The following SNTG2 variants were observed in gnomAD, a reference collection of about 807,000 sequenced individuals.
SNTG2 encodes the protein syntrophin gamma 2, also known as gamma-2-syntrophin.
Under a neutral mutation model 70.9 loss-of-function variants are expected in SNTG2, and 74 were observed. The ratio of observed to expected loss-of-function variants is 1.04; its 90% CI spans 0.86 to 1.27. SNTG2 has a LOEUF of 1.27. SNTG2 is among the 50% of genes most tolerant of loss of function. SNTG2 has a pLI of 0.00. For missense variants in SNTG2, 717 were observed against 690.7 expected (o/e 1.04, Z -0.43); for synonymous variants, 278 against 273.8 (o/e 1.02, Z -0.15).
intron 1 of SNTG2, among the ~76,000 whole-genome samples, chr2:1,056,861 GAGAGCA>G (rs1662467851): frequency 1.1e-5 from 1 of 93,136 alleles, no homozygotes; most frequent in Non-Finnish European, 2.1e-5. Flanking sequence ...GGGAGAGAGG[GAGAGCA>G]CGGCGCCCCG....
At chr2:1,138,489 C>T (rs1256920686) in intron 6 of SNTG2, among the ~76,000 whole-genome samples, 1 of 151,940 alleles carries the variant, frequency 6.6e-6, no homozygotes, top group Non-Finnish European at 1.5e-5. Flanking sequence ...GGTGGGGACG[C>T]GTGGTCAGTC....
chr2:956,119 CT>C (rs1660137674), intron 1 of SNTG2, among the ~76,000 whole-genome samples: 1 of 131,006 alleles, frequency 7.6e-6, no homozygotes, highest in Admixed American at 7.4e-5. Flanking sequence ...TGCCCTGCCC[CT>C]GCCCATGCCC....
chr2:1,095,677 T>C (rs1336309298), intron 2 of SNTG2, among the ~76,000 whole-genome samples: 1 of 152,200 alleles, frequency 6.6e-6, no homozygotes, highest in African/African-American at 2.4e-5. Flanking sequence ...AATGTCATTC[T>C]TTGGCAGTCT....
rs140149652 is a variant in SNTG2 at position 1,063,135 on chromosome 2, A to G, written c.73-20383A>G. Among the ~76,000 whole-genome samples, 329 of 152,346 alleles carry G rather than the reference A, an allele frequency of 2.2e-3. 4 individuals carry two copies. The highest frequency in any genetic ancestry group is 7.6e-3 in the African/African-American group (316 of 41,586). ...ACACATAGATAAACTCTCAGATCAT[A>G]GTTCTTTAAAATCTATGCAAGAGCT... On this transcript the variant is annotated intron_variant, in intron 1 of 16. Coordinates refer to ENST00000308624, the MANE Select transcript of SNTG2 (RefSeq NM_018968.4).
At position 1,313,757 on chromosome 2, in the gene SNTG2, G is replaced by A. The variant is rs150426169; in HGVS notation, c.1378-2508G>A. Among the ~76,000 whole-genome samples, 635 of 152,258 alleles carry A rather than the reference G, an allele frequency of 4.2e-3. 6 individuals are homozygous for A. Among genetic ancestry groups the A allele is most frequent in the African/African-American group, 0.015 (609 of 41,534 alleles). ...AGAGAGTCACGCCTGCGCCCATGGA[G>A]CCCCAACTTGTACCTGGACCACGCT... On this transcript the variant is annotated intron_variant, in intron 15 of 16. Coordinates refer to ENST00000308624, the MANE Select transcript of SNTG2 (RefSeq NM_018968.4).
intron 6 of SNTG2, among the ~76,000 whole-genome samples, chr2:1,152,670 T>C (rs988168737): frequency 4.6e-5 from 7 of 152,230 alleles, no homozygotes; most frequent in African/African-American, 1.4e-4. Flanking sequence ...GACCTCAGTC[T>C]GCAAACTCCT....
chr2:1,074,800 A>G (rs940947969), intron 1 of SNTG2, among the ~76,000 whole-genome samples: 1 of 152,230 alleles, frequency 6.6e-6, no homozygotes, highest in African/African-American at 2.4e-5. Flanking sequence ...AAATGTAATG[A>G]CTATAATAGG....
chr2:1,174,498 C>G (rs944452921), intron 8 of SNTG2, among the ~76,000 whole-genome samples: 3 of 152,100 alleles, frequency 2.0e-5, no homozygotes. Flanking sequence ...AGTTTATCAT[C>G]ATTAAAAGAG....
At chr2:1,298,257 T>C (rs1437604870) in intron 14 of SNTG2, among the ~76,000 whole-genome samples, 1 of 152,054 alleles carries the variant, frequency 6.6e-6, no homozygotes, top group African/African-American at 2.4e-5. Context: ...CTCAACCTCC[T>C]GAGTAGCTGG....
At chr2:1,120,768 G>A (rs1572492442) in intron 4 of SNTG2, among the ~76,000 whole-genome samples, 1 of 152,010 alleles carries the variant, frequency 6.6e-6, no homozygotes, top group East Asian at 1.9e-4. Flanking sequence ...AAATATTAAT[G>A]AACATAAAGA....
At chr2:1,177,460 C>G (rs557637840) in intron 8 of SNTG2, among the ~76,000 whole-genome samples, 2 of 151,386 alleles carry the variant, frequency 1.3e-5, no homozygotes, top group South Asian at 4.2e-4. Context: ...CCTGCACATC[C>G]TGCAGATGTA....
chr2:981,725 C>G (rs114784008), intron 1 of SNTG2, among the ~76,000 whole-genome samples: 2 of 152,206 alleles, frequency 1.3e-5, no homozygotes, highest in Non-Finnish European at 2.9e-5. Context: ...AAGTCGTACA[C>G]ACATGCACAT....
intron 14 of SNTG2, among the ~76,000 whole-genome samples, chr2:1,294,362 T>C (rs1395421553): frequency 6.6e-6 from 1 of 152,230 alleles, no homozygotes; most frequent in African/African-American, 2.4e-5. Flanking sequence ...GCTTTGAGAA[T>C]TTCATCTAAT....
intron 1 of SNTG2, among the ~76,000 whole-genome samples, chr2:1,025,616 C>T (rs1046392352): frequency 3.3e-5 from 5 of 152,162 alleles, no homozygotes; most frequent in South Asian, 4.1e-4. Context: ...CTCCTGGCTA[C>T]GTCCTCCATC....
At chr2:1,118,482 C>T (rs915129207) in intron 4 of SNTG2, among the ~76,000 whole-genome samples, 3 of 152,000 alleles carry the variant, frequency 2.0e-5, no homozygotes, top group African/African-American at 4.8e-5. Flanking sequence ...CCAACCAGCA[C>T]CCTCAGGCCC....
At chr2:995,893 A>T (rs908490504) in intron 1 of SNTG2, among the ~76,000 whole-genome samples, 2 of 152,190 alleles carry the variant, frequency 1.3e-5, no homozygotes, top group Non-Finnish European at 2.9e-5. Context: ...GAGGAGAGAG[A>T]GAATTAGTTG....
chr2:1,117,444 C>T (rs1269613638), intron 4 of SNTG2, among the ~76,000 whole-genome samples: 1 of 152,124 alleles, frequency 6.6e-6, no homozygotes, highest in Non-Finnish European at 1.5e-5. Context: ...GAAGACTTAA[C>T]ATCAAATTCA....
chr2:1,242,836 G>C (rs1353882440), intron 11 of SNTG2: 1 of 152,050 alleles, frequency 6.6e-6, no homozygotes, highest in Non-Finnish European at 1.5e-5. Context: ...TATAGAAATG[G>C]TATCAGAAAA....
chr2:1,224,837 G>A (rs1675661790), intron 9 of SNTG2, among the ~76,000 whole-genome samples: 1 of 152,220 alleles, frequency 6.6e-6, no homozygotes, highest in Non-Finnish European at 1.5e-5. Context: ...CATCCCAGGA[G>A]AAAGAATGGA....
Sources: allele counts gnomAD v4.1 joint callset (sites outside exome capture counted in the v4.1 genomes callset), GRCh38; gene constraint gnomAD v4.1.1; transcripts MANE v1.5; gene names NCBI Gene and HGNC (gene_info 2026-07-23, HGNC 2026-07-21).